Variants in ERBIN observed in about 807,000 individuals in gnomAD.
ERBIN encodes the protein erbb2 interacting protein, also known as densin-180-like protein.
ERBIN carries 60 observed loss-of-function variants against 158.4 expected under a neutral mutation model. The observed-to-expected ratio is 0.38, with a 90% CI of 0.31 to 0.47. The LOEUF (loss-of-function observed/expected upper bound fraction) is 0.47, where lower values mean the gene tolerates loss of function less well. ERBIN is among the 20% of genes least tolerant of loss of function. The probability of loss-of-function intolerance (pLI) is 0.99; values close to 1 mark genes in which losing one functional copy is unlikely to be tolerated. For synonymous variants in ERBIN, 594 were observed against 557.2 expected (o/e 1.07, Z -0.93); for missense variants, 1,610 against 1,648.0 (o/e 0.98, Z 0.40).
At position 66,078,833 on chromosome 5, in the gene ERBIN, A is replaced by G. The variant is rs1762242595; in HGVS notation, c.*303A>G. The G allele has an allele frequency of 2.0e-5, 6 of 301,354 alleles. No homozygotes were observed. In the South Asian group the frequency reaches 2.4e-4, roughly 12 times the overall value. The allele number at this position is 301,354 out of a possible 1,614,324, so 18.7% of individuals were successfully genotyped here. A position where few individuals can be genotyped will look rare whatever the true frequency, so the allele number is the denominator to read the frequency against. ...TTGTAGGTTTATTTTTGGATTTCATATACATGACTGAACTGTGTGCAAGGC... is the reference window on the plus strand; with the variant it reads ...TTGTAGGTTTATTTTTGGATTTCATGTACATGACTGAACTGTGTGCAAGGC... On this transcript the variant is annotated 3_prime_UTR_variant, in exon 26 of 26. Coordinates refer to ENST00000284037, the MANE Select transcript of ERBIN (RefSeq NM_001253697.2).
At chr5:66,063,274 C>T (rs1305123792) in intron 21 of ERBIN, among the ~76,000 whole-genome samples, 1 of 152,320 alleles carries the variant, frequency 6.6e-6, no homozygotes, top group South Asian at 2.1e-4. Flanking sequence ...TGTGGCCTTG[C>T]AGTTTGATCT....
At chr5:66,013,245 A>T (rs779455269) in intron 5 of ERBIN, among the ~76,000 whole-genome samples, 2 of 152,220 alleles carry the variant, frequency 1.3e-5, no homozygotes, top group African/African-American at 2.4e-5. Context: ...TGCTGATTTC[A>T]GAGTTATACC....
chr5:65,976,337 A>G (rs1280846702), intron 1 of ERBIN, among the ~76,000 whole-genome samples: 3 of 152,064 alleles, frequency 2.0e-5, no homozygotes, highest in Non-Finnish European at 4.4e-5. Context: ...AACTATATGT[A>G]GTGGCATACA....
chr5:65,957,249 T>C (rs1006018416), intron 1 of ERBIN, among the ~76,000 whole-genome samples: 2 of 152,004 alleles, frequency 1.3e-5, no homozygotes, highest in Admixed American at 1.3e-4. Context: ...TTGATCATTC[T>C]TGGGTGTTTC....
chr5:65,931,574 GT>G (rs1743375328), intron 1 of ERBIN, among the ~76,000 whole-genome samples: 1 of 152,180 alleles, frequency 6.6e-6, no homozygotes, highest in Non-Finnish European at 1.5e-5. Flanking sequence ...GCTATTGCAT[GT>G]TAGTGTAACA....
At chr5:65,970,790 T>G (rs1480250014) in intron 1 of ERBIN, among the ~76,000 whole-genome samples, 2 of 152,096 alleles carry the variant, frequency 1.3e-5, no homozygotes, top group Admixed American at 1.3e-4. Flanking sequence ...AGACAGGGTG[T>G]TGTTGTGTTG....
chr5:65,940,513 A>G (rs1349416715), intron 1 of ERBIN, among the ~76,000 whole-genome samples: 2 of 45,362 alleles, frequency 4.4e-5, no homozygotes, highest in African/African-American at 1.0e-4. Flanking sequence ...TCTGGGAGGG[A>G]GGTGGGGGGG....
rs970976834 is a variant in ERBIN, at chr5:66,048,443, A to G, written c.1789-224A>G. On this transcript the variant is annotated intron_variant, in intron 18 of 25. Transcript: ENST00000284037. ...AGTATAAAAAAGGGAATAGAGGAGC[A>G]GTATCCTAATGTTTGATTAGGATAA... is the stretch of plus-strand genomic sequence containing the variant. Among the ~76,000 whole-genome samples, 4 of 152,116 alleles carry G rather than the reference A, an allele frequency of 2.6e-5. No homozygotes were observed. In the East Asian group the frequency reaches 7.7e-4, roughly 29 times the overall value.
At chr5:65,959,440 A>G (rs1305274518) in intron 1 of ERBIN, among the ~76,000 whole-genome samples, 6 of 152,152 alleles carry the variant, frequency 3.9e-5, no homozygotes. Context: ...TGTTTTATGT[A>G]GTTTAATATA....
At chr5:66,014,611 TA>T in intron 6 of ERBIN, 57 bp from the exon 7 acceptor site, 3 of 823,514 alleles carry the variant, frequency 3.6e-6, no homozygotes, top group Non-Finnish European at 5.7e-6. Context: ...AATATGAAAT[TA>T]ATTTATTAAA....
At chr5:65,981,304 TTTA>T (rs1750630133) in intron 1 of ERBIN, among the ~76,000 whole-genome samples, 2 of 152,188 alleles carry the variant, frequency 1.3e-5, no homozygotes, top group African/African-American at 4.8e-5. Context: ...ACTCAGATAA[TTTA>T]TATCTTTAAA....
At position 66,054,464 on chromosome 5, in the gene ERBIN, G is replaced by C; in HGVS notation, c.3146G>C (p.Gly1049Ala). The C allele has an allele frequency of 6.2e-7, 1 of 1,614,080 alleles. No individual in the cohort carries two copies. Among genetic ancestry groups the C allele is most frequent in the South Asian group, 1.1e-5 (1 of 91,074 alleles). ...GCATACCATTTACATCAGAGACTTG[G>C]CCCAGCAAGACATGGGGAAATGTGG... The part of the protein sequence containing the change: ...NTAYHLHQRL[G>A]PARHGEMWAI... Residue 1049 changes from glycine (G) to alanine (A), a missense_variant, in exon 21 of 26, where the codon GGC becomes GCC. Gly to Ala is a moderately conservative substitution (Grantham distance 60, BLOSUM62 0). This residue lies in a region of ERBIN where 1,014 missense variants were observed against 936.1 expected (regional missense o/e 1.08). Transcript: ENST00000284037.
At chr5:66,034,355 T>A (rs1229348778) in intron 14 of ERBIN, among the ~76,000 whole-genome samples, 1 of 151,858 alleles carries the variant, frequency 6.6e-6, no homozygotes, top group Non-Finnish European at 1.5e-5. Context: ...AGTGGCTCCA[T>A]CTTGGCTCTC....
chr5:66,057,427 A>G (rs1759711862), intron 21 of ERBIN, among the ~76,000 whole-genome samples: 2 of 152,118 alleles, frequency 1.3e-5, no homozygotes, highest in Non-Finnish European at 2.9e-5. Context: ...GATTAAAGTT[A>G]TTTTTTTAAA....
At chr5:66,002,296 T>G (rs1753088595) in intron 4 of ERBIN, among the ~76,000 whole-genome samples, 1 of 152,200 alleles carries the variant, frequency 6.6e-6, no homozygotes. Flanking sequence ...TGTACACTTT[T>G]TAAAGTTATA....
intron 1 of ERBIN, among the ~76,000 whole-genome samples, chr5:65,932,887 C>T (rs1389210355): frequency 6.6e-6 from 1 of 152,144 alleles, no homozygotes; most frequent in Non-Finnish European, 1.5e-5. Flanking sequence ...GCCTCGGACT[C>T]CTGGGCTCAA....
intron 15 of ERBIN, among the ~76,000 whole-genome samples, chr5:66,041,899 G>A (rs1448362843): frequency 2.0e-5 from 3 of 151,814 alleles, no homozygotes; most frequent in Non-Finnish European, 4.4e-5. Flanking sequence ...CATTGAGTAC[G>A]TGTTAAGCAA....
intron 14 of ERBIN, among the ~76,000 whole-genome samples, chr5:66,029,806 GTCTCGA>G (rs1166250597): frequency 6.6e-6 from 1 of 151,930 alleles, no homozygotes; most frequent in African/African-American, 2.4e-5. Flanking sequence ...GGCCAGGATG[GTCTCGA>G]TCTCTTGACC....
rs183991117 is a variant in ERBIN at position 66,059,706 on chromosome 5, C to T, written c.3633+4755C>T. Among the ~76,000 whole-genome samples the T allele has an allele frequency of 3.4e-3, 522 of 152,250 alleles. 4 individuals carry two copies. The highest frequency in any genetic ancestry group is 4.3e-3 in the Non-Finnish European group (294 of 68,012). On this transcript the variant is annotated intron_variant, in intron 21 of 25. Transcript: ENST00000284037. ...AGACAGCTCTTACTATTTTGAGATA[C>T]GTCCCATCAGTACCTAATTTATTGA...
Sources: gnomAD v4.1 joint callset for allele counts (sites outside exome capture counted in the v4.1 genomes callset) on GRCh38, gnomAD v4.1.1 for gene constraint, gnomAD v4.1.1 regional missense constraint, MANE v1.5 for transcripts, NCBI Gene and HGNC (gene_info 2026-07-23, HGNC 2026-07-21) for gene names.